Variants in PRKG2 observed in about 807,000 individuals in gnomAD.
PRKG2 encodes the protein cGMP-dependent protein kinase 2.
In PRKG2, 33 loss-of-function variants were observed where a neutral mutation model predicts 97.2. The observed-to-expected ratio is 0.34, with a 90% CI of 0.26 to 0.45. The LOEUF (loss-of-function observed/expected upper bound fraction) is 0.45, where lower values mean the gene tolerates loss of function less well. PRKG2 is among the 20% of genes least tolerant of loss of function. PRKG2 has a pLI of 1.00. For missense variants in PRKG2, 638 were observed against 900.0 expected (o/e 0.71, Z 3.73); for synonymous variants, 330 against 321.8 (o/e 1.03, Z -0.27).
At chr4:81,105,744 T>C (rs1743257486) in intron 16 of PRKG2, 69 bp downstream of exon 16, 2 of 1,549,190 alleles carry the variant, frequency 1.3e-6, no homozygotes, top group African/African-American at 1.4e-5. Flanking sequence ...AATTTTAAAA[T>C]GTGTAGAAAC....
chr4:81,197,979 T>C (rs1242787402), intron 2 of PRKG2, among the ~76,000 whole-genome samples: 1 of 152,220 alleles, frequency 6.6e-6, no homozygotes, highest in African/African-American at 2.4e-5. Flanking sequence ...AAAAGTGCCA[T>C]GGTTTTTGTG....
At chr4:81,160,491 T>TA (rs1326403292) in intron 6 of PRKG2, among the ~76,000 whole-genome samples, 3 of 152,178 alleles carry the variant, frequency 2.0e-5, no homozygotes. Context: ...AGCAACATTC[T>TA]AAAAATTGAG....
intron 14 of PRKG2, among the ~76,000 whole-genome samples, chr4:81,130,699 G>C (rs1274757893): frequency 6.6e-6 from 1 of 152,190 alleles, no homozygotes; most frequent in Non-Finnish European, 1.5e-5. Context: ...CAAAATGGAG[G>C]AATCTAGAGA....
intron 11 of PRKG2, among the ~76,000 whole-genome samples, chr4:81,142,167 C>T (rs1747358863): frequency 6.6e-6 from 1 of 152,182 alleles, no homozygotes; most frequent in South Asian, 2.1e-4. Flanking sequence ...GCTGATAGCT[C>T]AGAAAGAGGG....
intron 2 of PRKG2, among the ~76,000 whole-genome samples, chr4:81,197,198 C>T (rs4149): frequency 0.077 from 11,652 of 152,062 alleles, 681 homozygotes; most frequent in East Asian, 0.25. Context: ...TTCTCAATGA[C>T]GCTATTTCTA....
At position 81,105,822 on chromosome 4, in the gene PRKG2, C is replaced by T. The variant is rs987651040; in HGVS notation, c.2054G>A (p.Arg685Lys). The T allele has an allele frequency of 7.4e-6, 12 of 1,613,640 alleles. No individual in the cohort carries two copies. Among genetic ancestry groups the T allele is most frequent in the East Asian group, 2.2e-5 (1 of 44,874 alleles). Residue 685 changes from arginine to lysine, a missense_variant, in exon 16 of 19, where the codon AGG becomes AAG. Around this residue, in one of 3 missense-constraint regions of PRKG2, gnomAD observed 304 missense variants for 460.5 expected, o/e 0.66. Transcript: ENST00000264399. ...ITRRPEDLIR[R>K]LCRQNPTERL... ...TGACTGTCATTCTCACCTGCAAAGC[C>T]TCCGAATCAAATCCTCAGGTCGTCG...
At chr4:81,179,671 A>G (rs1007722551) in intron 2 of PRKG2, among the ~76,000 whole-genome samples, 2 of 152,224 alleles carry the variant, frequency 1.3e-5, no homozygotes, top group Non-Finnish European at 2.9e-5. Context: ...TGTAAGAAAT[A>G]AATGTAGAAA....
chr4:81,113,805 C>A (rs1490586646), intron 14 of PRKG2, among the ~76,000 whole-genome samples: 1 of 152,080 alleles, frequency 6.6e-6, no homozygotes, highest in African/African-American at 2.4e-5. Context: ...CAAGTCTAGA[C>A]AAGGGTAAAA....
Position 81,087,836 on chromosome 4 carries a change from A to G in PRKG2, c.*1872T>C, listed in dbSNP as rs1260483921. ...GACATGGTCAATCACAGGAAAAATAAACCTGTAGTACTCTAACTTGGTTAT... is the reference window on the plus strand; with the variant it reads ...GACATGGTCAATCACAGGAAAAATAGACCTGTAGTACTCTAACTTGGTTAT... On this transcript the variant is annotated 3_prime_UTR_variant, in exon 19 of 19. Transcript: ENST00000264399. 1.3e-5 allele frequency: 2 copies of G among 152,138 alleles called. No individual in the cohort carries two copies. The highest frequency in any genetic ancestry group is 4.8e-5 in the African/African-American group (2 of 41,442). 9.4% of individuals were successfully genotyped at this position (152,138 alleles called of 1,614,324 possible).
intron 7 of PRKG2, chr4:81,153,341 T>C (rs548501967): frequency 2.8e-5 from 6 of 215,130 alleles, no homozygotes; most frequent in East Asian, 1.1e-4. Context: ...GAGAATCACA[T>C]AGTCATAGCC....
chr4:81,180,100 T>A (rs1038689091), intron 2 of PRKG2, among the ~76,000 whole-genome samples: 2 of 152,044 alleles, frequency 1.3e-5, no homozygotes, highest in Admixed American at 1.3e-4. Flanking sequence ...ACCATTGCAC[T>A]CCAGCCTGGG....
chr4:81,184,703 G>T (rs557341970), intron 2 of PRKG2, among the ~76,000 whole-genome samples: 1 of 152,162 alleles, frequency 6.6e-6, no homozygotes, highest in Admixed American at 6.6e-5. Flanking sequence ...TGAGATAAGG[G>T]AGCATGTTCT....
At chr4:81,186,835 T>C (rs1223003361) in intron 2 of PRKG2, among the ~76,000 whole-genome samples, 1 of 152,084 alleles carries the variant, frequency 6.6e-6, no homozygotes, top group Non-Finnish European at 1.5e-5. Context: ...CATCAGAGAA[T>C]ACTATAAACA....
At chr4:81,092,902 T>C (rs1417066493) in intron 17 of PRKG2, among the ~76,000 whole-genome samples, 7 of 152,112 alleles carry the variant, frequency 4.6e-5, no homozygotes, top group African/African-American at 1.7e-4. Flanking sequence ...CAGTCTTCAA[T>C]ACCTTCACTC....
Position 81,089,644 on chromosome 4 carries a change from G to T in PRKG2, c.*64C>A. On this transcript the variant is annotated 3_prime_UTR_variant, in exon 19 of 19. Coordinates refer to ENST00000264399, the MANE Select transcript of PRKG2 (RefSeq NM_006259.3). Reference sequence around the variant, plus strand: ...TAATACTCTGAAAAGAAAATAATGTGTTGGATTATTGATCCTTGAGGTCCT... The same window carrying T: ...TAATACTCTGAAAAGAAAATAATGTTTTGGATTATTGATCCTTGAGGTCCT... The T allele has an allele frequency of 8.3e-7, 1 of 1,206,214 alleles. No individual in the cohort carries two copies. The highest frequency in any genetic ancestry group is 1.2e-6 in the Non-Finnish European group (1 of 831,834). 74.7% of individuals were successfully genotyped at this position (1,206,214 alleles called of 1,614,324 possible). A position where few individuals can be genotyped will look rare whatever the true frequency, so the allele number is the denominator to read the frequency against.
chr4:81,144,946 T>C (rs1747711522), intron 9 of PRKG2, among the ~76,000 whole-genome samples: 1 of 152,076 alleles, frequency 6.6e-6, no homozygotes, highest in East Asian at 1.9e-4. Context: ...CTCATCATTT[T>C]TTATGGCTGC....
intron 6 of PRKG2, among the ~76,000 whole-genome samples, chr4:81,162,289 G>T (rs1749645280): frequency 6.6e-6 from 1 of 152,158 alleles, no homozygotes; most frequent in Admixed American, 6.5e-5. Context: ...AGGAATATAT[G>T]ATTGTCCAGG....
At chr4:81,105,436 C>T (rs1743227563) in intron 16 of PRKG2, among the ~76,000 whole-genome samples, 1 of 152,110 alleles carries the variant, frequency 6.6e-6, no homozygotes, top group South Asian at 2.1e-4. Flanking sequence ...AGATAATGAC[C>T]TTCAGTTCCT....
At chr4:81,195,365 TG>T (rs1752896586) in intron 2 of PRKG2, among the ~76,000 whole-genome samples, 1 of 152,174 alleles carries the variant, frequency 6.6e-6, no homozygotes, top group Non-Finnish European at 1.5e-5. Flanking sequence ...TTAGCCTCAG[TG>T]TGTGAACTTT....
Sources: gnomAD v4.1 joint callset for allele counts (sites outside exome capture counted in the v4.1 genomes callset) on GRCh38, gnomAD v4.1.1 for gene constraint, gnomAD v4.1.1 regional missense constraint, MANE v1.5 for transcripts, NCBI Gene and HGNC (gene_info 2026-07-23, HGNC 2026-07-21) for gene names.